SNX25: variants seen among roughly 807,000 people sequenced by gnomAD.
SNX25 encodes the protein sorting nexin 25.
SNX25 carries 62 observed loss-of-function variants against 113.7 expected under a neutral mutation model. The ratio of observed to expected loss-of-function variants is 0.55; its 90% CI spans 0.44 to 0.67. The LOEUF (loss-of-function observed/expected upper bound fraction) is 0.67, where lower values mean the gene tolerates loss of function less well. Ranked by LOEUF, SNX25 falls within the 30% of genes least tolerant of loss-of-function variation. The pLI is 0.00. For synonymous variants in SNX25, 421 were observed against 436.2 expected, an observed-to-expected ratio of 0.97 and a Z score of 0.43; for missense variants, 1,014 against 1,161.0, an observed-to-expected ratio of 0.87 and a Z score of 1.84.
chr4:185,240,568 AG>A (rs1400230604), intron 1 of SNX25, among the ~76,000 whole-genome samples: 1 of 142,420 alleles, frequency 7.0e-6, no homozygotes, highest in Non-Finnish European at 1.5e-5. Flanking sequence ...GGCCGGGCAG[AG>A]GGGCTCCTCA....
At chr4:185,313,851 G>A (rs180989893) in intron 7 of SNX25, among the ~76,000 whole-genome samples, 1 of 152,128 alleles carries the variant, frequency 6.6e-6, no homozygotes, top group Non-Finnish European at 1.5e-5. Flanking sequence ...CACAGATCTT[G>A]TATGTTATGT....
At chr4:185,224,454 T>A (rs1334392918) in intron 1 of SNX25, among the ~76,000 whole-genome samples, 3 of 22,618 alleles carry the variant, frequency 1.3e-4, no homozygotes, top group Non-Finnish European at 2.7e-4. Context: ...TAAATATATA[T>A]ATAGATATAT....
At chr4:185,374,148 T>G (rs1561079406), downstream of SNX25, 1 of 1,614,030 alleles carries the variant, frequency 6.2e-7, no homozygotes, top group South Asian at 1.1e-5. Flanking sequence ...TTCTAACTCC[T>G]TGGGCTCCTT....
chr4:185,330,366 C>G (rs939044910), intron 9 of SNX25, among the ~76,000 whole-genome samples: 2 of 152,138 alleles, frequency 1.3e-5, no homozygotes, highest in Admixed American at 1.3e-4. Flanking sequence ...TTGGAGATGG[C>G]ATTTGTGGTT....
chr4:185,290,938 G>C (rs921548084), intron 6 of SNX25, among the ~76,000 whole-genome samples: 2 of 152,190 alleles, frequency 1.3e-5, no homozygotes, highest in African/African-American at 4.8e-5. Flanking sequence ...TACGAACGTG[G>C]TCAGGAATTC....
chr4:185,221,525 A>G (rs1739853862), intron 1 of SNX25, among the ~76,000 whole-genome samples: 1 of 151,914 alleles, frequency 6.6e-6, no homozygotes, highest in Admixed American at 6.6e-5. Flanking sequence ...GGTCTTAGCT[A>G]CCGTCATGTC....
At chr4:185,376,443 C>CTTTTTTTTTTTTTTTT in the SNX25 span, among the ~76,000 whole-genome samples, 2 of 105,796 alleles carry the variant, frequency 1.9e-5, no homozygotes, top group Non-Finnish European at 3.7e-5. Context: ...TGCCCAGCTA[C>CTTTTTTTTTTTTTTTT]TTTTTTTTTT....
intron 9 of SNX25, among the ~76,000 whole-genome samples, chr4:185,328,844 G>C (rs148771921): frequency 8.7e-4 from 132 of 152,286 alleles, no homozygotes; most frequent in African/African-American, 3.0e-3. Context: ...GTAACAGGTA[G>C]AGAAGGAGGA....
At chr4:185,346,772 A>G in intron 13 of SNX25, 122 bp downstream of exon 13, 1 of 614,782 alleles carries the variant, frequency 1.6e-6, no homozygotes, top group East Asian at 3.1e-5. Context: ...GATGCTAAAA[A>G]AATATCTTGG....
chr4:185,255,138 T>C (rs1050412911), intron 2 of SNX25, among the ~76,000 whole-genome samples: 27 of 152,054 alleles, frequency 1.8e-4, no homozygotes, highest in Admixed American at 1.8e-3. Context: ...GTTTTCTTCT[T>C]TATTTTTTTT....
intron 3 of SNX25, among the ~76,000 whole-genome samples, chr4:185,263,273 A>G (rs1380525662): frequency 6.6e-6 from 1 of 152,162 alleles, no homozygotes; most frequent in Non-Finnish European, 1.5e-5. Context: ...TTAGCTAAAT[A>G]TATATTTAAA....
intron 5 of SNX25, among the ~76,000 whole-genome samples, chr4:185,277,002 G>A (rs1190021542): frequency 6.6e-6 from 1 of 152,120 alleles, no homozygotes; most frequent in African/African-American, 2.4e-5. Context: ...TCAAGAGTTG[G>A]GGGTGGGTAA....
rs768620851 is a variant in SNX25, at chr4:185,272,937, T to A, written c.1091+5782T>A. Among the ~76,000 whole-genome samples the A allele has an allele frequency of 2.0e-5, 3 of 152,224 alleles. No individual in the cohort carries two copies. The South Asian group carries it at 6.2e-4, about 32-fold the overall frequency. The stretch of plus-strand genomic sequence containing the variant: ...CTTGGGGCTAGATAATTCTTTATTG[T>A]GGGAGGTTGTTCTGTTTACTGTAGA... On this transcript the variant is annotated intron_variant, in intron 5 of 18. Transcript: ENST00000652585.
Position 185,295,956 on chromosome 4 carries a change from T to C in SNX25, c.1162+7874T>C, listed in dbSNP as rs146544408. 3.9e-4 allele frequency: 60 copies of C among 152,298 alleles called. No homozygotes were observed. The East Asian group carries it at 0.011, about 28-fold the overall frequency. The allele number at this position is 152,298 out of a possible 1,614,324, so 9.4% of individuals were successfully genotyped here. A position where few individuals can be genotyped will look rare whatever the true frequency, so the allele number is the denominator to read the frequency against. On this transcript the variant is annotated intron_variant, in intron 6 of 18. Coordinates refer to ENST00000652585, the MANE Select transcript of SNX25 (RefSeq NM_001378034.2). ...AATACCACAAACTGGGTATTTACTA[T>C]AAAGAAGAGAAATTTATTTCTTACT...
the SNX25 span, chr4:185,378,442 A>G: frequency 7.8e-7 from 1 of 1,284,960 alleles, no homozygotes. Context: ...CGCATTCACC[A>G]TGAGACCTGT....
At chr4:185,241,655 T>C (rs923028527) in intron 1 of SNX25, among the ~76,000 whole-genome samples, 1 of 151,648 alleles carries the variant, frequency 6.6e-6, no homozygotes, top group South Asian at 2.1e-4. Context: ...TGAGTTAATA[T>C]TGTGATACGC....
At chr4:185,351,421 C>A in intron 13 of SNX25, 24 bp from the exon 14 acceptor site, 1 of 1,607,866 alleles carries the variant, frequency 6.2e-7, no homozygotes, top group Non-Finnish European at 8.5e-7. Flanking sequence ...CACACTGGAG[C>A]AGTTAATCCT....
chr4:185,228,060 C>T (rs534008678), intron 1 of SNX25, among the ~76,000 whole-genome samples: 9 of 152,198 alleles, frequency 5.9e-5, no homozygotes, highest in South Asian at 4.2e-4. Context: ...GGGTGTGCCC[C>T]GGACTTGGCA....
At chr4:185,213,938 C>CTTT (rs77831124) in intron 1 of SNX25, among the ~76,000 whole-genome samples, 1 of 140,256 alleles carries the variant, frequency 7.1e-6, no homozygotes. Context: ...TTACTAGATC[C>CTTT]TTTTTTTTTT....
Sources: allele counts gnomAD v4.1 joint callset (sites outside exome capture counted in the v4.1 genomes callset), GRCh38; gene constraint gnomAD v4.1.1; transcripts MANE v1.5; gene names NCBI Gene and HGNC (gene_info 2026-07-23, HGNC 2026-07-21).